The following SETD1B variants were observed in gnomAD, a reference collection of about 807,000 sequenced individuals.
SETD1B encodes histone-lysine N-methyltransferase SETD1B.
A neutral mutation model predicts 148.0 loss-of-function variants in SETD1B; 7 were observed. The observed-to-expected ratio is 0.05, with a 90% CI of 0.03 to 0.09. The LOEUF (loss-of-function observed/expected upper bound fraction) is 0.09, where lower values mean the gene tolerates loss of function less well. Among genes scored for constraint, SETD1B ranks in the 10% least tolerant of loss-of-function variants. The pLI is 1.00. For synonymous variants in SETD1B, 1,361 were observed against 1,186.5 expected (o/e 1.15, Z -3.02); for missense variants, 2,155 against 2,729.9 (o/e 0.79, Z 4.69).
rs1186635625 is a variant in SETD1B, at chr12:121,822,873, T to C, written c.4294T>C (p.Phe1432Leu). The C allele has an allele frequency of 8.7e-6, 13 of 1,489,342 alleles. No individual in the cohort carries two copies. The highest frequency in any genetic ancestry group is 1.2e-5 in the Non-Finnish European group (13 of 1,113,976). 92.3% of individuals were successfully genotyped at this position (1,489,342 alleles called of 1,614,324 possible). Residue 1432 changes from phenylalanine to leucine, a missense_variant, in exon 12 of 17, where the codon TTC becomes CTC. Physicochemically the swap from Phe to Leu is conservative, Grantham distance 22. Coordinates refer to ENST00000604567, the MANE Select transcript of SETD1B (RefSeq NM_001353345.2). ...LPRTPGRDFS[F>L]TPTFSEPSGP... ...TCGGACACCTGGCCGGGACTTCAGC[T>C]TCACACCCACCTTCTCCGAGCCCAG... is the stretch of plus-strand genomic sequence containing the variant.
intron 11 of SETD1B, among the ~76,000 whole-genome samples, chr12:121,821,221 T>C (rs1486276422): frequency 1.3e-5 from 2 of 152,052 alleles, no homozygotes; most frequent in Non-Finnish European, 2.9e-5. Flanking sequence ...AATGCAACAG[T>C]GGACCAAACA....
In SETD1B at chr12:121,823,347, C is replaced by T; in HGVS notation, c.4768C>T (p.Pro1590Ser). The change falls in exon 12 of 17, where the codon CCA becomes TCA. Residue 1590 changes from proline (P) to serine (S), a missense_variant. Coordinates refer to ENST00000604567, the MANE Select transcript of SETD1B (RefSeq NM_001353345.2). ...CCCTCCACCACCCCTTCCCCCCCAG[C>T]CACCCCCACCCCCACCTCCCCCACC... ...PAPPPPLPPQ[P>S]PPPPPPPPVE... The T allele has an allele frequency of 7.9e-7, 1 of 1,266,954 alleles. No individual in the cohort carries two copies. Among genetic ancestry groups the T allele is most frequent in the Non-Finnish European group, 1.1e-6 (1 of 909,920 alleles). 78.5% of individuals were successfully genotyped at this position (1,266,954 alleles called of 1,614,324 possible).
chr12:121,805,081 A>G lies in SETD1B; in HGVS notation c.175-37A>G, dbSNP rs1875660618. 1.3e-5 allele frequency: 20 copies of G among 1,528,120 alleles called. No individual in the cohort carries two copies. Among genetic ancestry groups the G allele is most frequent in the Non-Finnish European group, 1.7e-5 (19 of 1,125,734 alleles). 94.7% of individuals were successfully genotyped at this position (1,528,120 alleles called of 1,614,324 possible). On this transcript the variant is annotated intron_variant, in intron 2 of 16. Coordinates refer to ENST00000604567, the MANE Select transcript of SETD1B (RefSeq NM_001353345.2). The surrounding 1 kb of genome is among the most constrained non-coding windows in gnomAD (Gnocchi z 4.2). The stretch of plus-strand genomic sequence containing the variant: ...GGGTCTGCCCATGGGGAGGGGGACC[A>G]GTTCTCTCATCCCGGCCCCCCAATT...
the SETD1B span, chr12:121,797,324 C>G: frequency 2.4e-6 from 1 of 411,226 alleles, no homozygotes. Context: ...GCGTGGCCCT[C>G]TCTCTGCAAG....
intron 16 of SETD1B, among the ~76,000 whole-genome samples, chr12:121,828,457 C>T (rs987476725): frequency 6.6e-6 from 1 of 151,758 alleles, no homozygotes. Flanking sequence ...AGGTGCACTG[C>T]GTGCATCTGT....
chr12:121,805,093 C>T lies in SETD1B; in HGVS notation c.175-25C>T, dbSNP rs1418888917. ...GGGGAGGGGGACCAGTTCTCTCATC[C>T]CGGCCCCCCAATTTCTCCCCACAGA... On this transcript the variant is annotated intron_variant, in intron 2 of 16. Coordinates refer to ENST00000604567, the MANE Select transcript of SETD1B (RefSeq NM_001353345.2). This position sits in a 1 kb window ranked among gnomAD's most constrained non-coding sequence, Gnocchi z 4.2. 3 of 1,547,276 alleles carry T rather than the reference C, an allele frequency of 1.9e-6. No homozygotes were observed. In the East Asian group the frequency reaches 7.3e-5, roughly 38 times the overall value.
rs547311982 is a variant in SETD1B, at chr12:121,819,780, C to G, written c.3795C>G (p.Ser1265=). 2 of 1,551,610 alleles carry G rather than the reference C, an allele frequency of 1.3e-6. No individual in the cohort carries two copies. Among genetic ancestry groups the G allele is most frequent in the Admixed American group, 3.9e-5 (2 of 51,000 alleles). The change falls in exon 11 of 17, where the codon TCC becomes TCG. Residue 1265 remains serine, a synonymous_variant. Coordinates refer to ENST00000604567, the MANE Select transcript of SETD1B (RefSeq NM_001353345.2). ...LPVGVEEPAD[S]REPPEEPGLS... is the part of the protein sequence containing the mutation. Reference sequence around the variant, plus strand: ...TGGGTGTTGAAGAGCCAGCGGACTCCAGGGAGCCGCCTGAGGAACCAGGCC... The same window carrying G: ...TGGGTGTTGAAGAGCCAGCGGACTCGAGGGAGCCGCCTGAGGAACCAGGCC...
intron 16 of SETD1B, 108 bp downstream of exon 16, chr12:121,828,178 C>G: frequency 7.0e-7 from 1 of 1,434,734 alleles, no homozygotes. Context: ...CGGCCTCCTT[C>G]CCAAGCTCAG....
chr12:121,819,869 C>T lies in SETD1B; in HGVS notation c.3884C>T (p.Pro1295Leu). The change falls in exon 11 of 17, where the codon CCC (proline) becomes CTC (leucine). Residue 1295 changes from proline to leucine, a missense_variant. Transcript: ENST00000604567. The stretch of plus-strand genomic sequence containing the variant: ...CCTGCCAAGGAGGTGGAGGCTCGAC[C>T]CCCATTGTCCCCTGAGCGAGCTCCA... ...EPPAKEVEAR[P>L]PLSPERAPEH... 6.4e-7 allele frequency: 1 copy of T among 1,551,022 alleles called. No homozygotes were observed. Among genetic ancestry groups the T allele is most frequent in the Non-Finnish European group, 8.7e-7 (1 of 1,146,802 alleles).
In SETD1B at chr12:121,817,701, T is replaced by G; in HGVS notation, c.3309T>G (p.Asp1103Glu). 1 of 1,545,216 alleles carries G rather than the reference T, an allele frequency of 6.5e-7. No individual in the cohort carries two copies. Among genetic ancestry groups the G allele is most frequent in the Non-Finnish European group, 8.8e-7 (1 of 1,142,336 alleles). ...LSSSSTSSTSDKDDDDDDSDD... is the reference protein window; with the variant it reads ...LSSSSTSSTSEKDDDDDDSDD... ...CCTCCTCAACCTCATCCACATCAGA[T>G]AAGGTGCCTAGCAGGCCAGGAAGCC... Residue 1103 changes from aspartate (D) to glutamate (E), a missense_variant, in exon 9 of 17, where the codon GAT becomes GAG. Physicochemically the swap from Asp to Glu is conservative, Grantham distance 45. Transcript: ENST00000604567. This position sits in a 1 kb window ranked among gnomAD's most constrained non-coding sequence, Gnocchi z 8.1.
rs1377117146 is a variant in SETD1B at position 121,822,754 on chromosome 12, G to A, written c.4175G>A (p.Gly1392Asp). ...GGCGGGGAGCCCCCGCTATCAGGGG[G>A]CAGCAGTGGCCTGTCCCTGAGCTCT... ...TPGGEPPLSGGSSGLSLSSPQ... is the reference protein window; with the variant it reads ...TPGGEPPLSGDSSGLSLSSPQ... Residue 1392 changes from glycine to aspartate, a missense_variant, in exon 12 of 17, where the codon GGC (glycine) becomes GAC (aspartate). Physicochemically the swap from Gly to Asp is moderately conservative, Grantham distance 94 (BLOSUM62 -1). Around this residue, in one of 11 missense-constraint regions of SETD1B, gnomAD observed 862 missense variants for 873.8 expected, o/e 0.99. Transcript: ENST00000604567. 4 of 1,516,528 alleles carry A rather than the reference G, an allele frequency of 2.6e-6. No homozygotes were observed. The highest frequency in any genetic ancestry group is 1.3e-5 in the South Asian group (1 of 79,978). 93.9% of individuals were successfully genotyped at this position (1,516,528 alleles called of 1,614,324 possible).
upstream of SETD1B, chr12:121,802,013 G>A (rs1311850835): frequency 6.6e-6 from 1 of 152,020 alleles, no homozygotes; most frequent in Non-Finnish European, 1.5e-5. Flanking sequence ...TCTACACAAA[G>A]AAAAGGTCTT....
chr12:121,792,720 C>T, the SETD1B span, among the ~76,000 whole-genome samples: 1 of 152,224 alleles, frequency 6.6e-6, no homozygotes, highest in Admixed American at 6.5e-5. Context: ...TGATCTGCAG[C>T]CGGGAGCATC....
chr12:121,797,157 C>T, the SETD1B span: 1 of 317,928 alleles, frequency 3.1e-6, no homozygotes, highest in South Asian at 2.4e-5. Flanking sequence ...GGTGCCACCT[C>T]ACTGCACAGC....
intron 13 of SETD1B, among the ~76,000 whole-genome samples, chr12:121,826,477 C>G (rs1252302717): frequency 1.3e-5 from 2 of 152,142 alleles, no homozygotes; most frequent in East Asian, 3.8e-4. Flanking sequence ...CTCCCTAGGA[C>G]AGCAGCAGTG....
chr12:121,817,162 C>T lies in SETD1B; in HGVS notation c.2845C>T (p.Leu949=), dbSNP rs1876330569. ...GEGLGYEGLG[L]GIGLRGAIRL... is the part of the protein sequence containing the mutation. Reference sequence around the variant, plus strand: ...GGGCCTGGGCTACGAGGGCCTGGGCCTGGGCATTGGGCTGCGTGGGGCCAT... The same window carrying T: ...GGGCCTGGGCTACGAGGGCCTGGGCTTGGGCATTGGGCTGCGTGGGGCCAT... The change falls in exon 8 of 17, where the codon CTG becomes TTG. Residue 949 remains leucine, a synonymous_variant. Transcript: ENST00000604567. This position sits in a 1 kb window ranked among gnomAD's most constrained non-coding sequence, Gnocchi z 8.1. 1.3e-6 allele frequency: 2 copies of T among 1,549,516 alleles called. No individual in the cohort carries two copies. The highest frequency in any genetic ancestry group is 1.2e-5 in the South Asian group (1 of 84,060).
chr12:121,807,906 TG>T lies in SETD1B; in HGVS notation c.545-293del, dbSNP rs1169188508. Among the ~76,000 whole-genome samples, 81 of 44,300 alleles carry T rather than the reference TG, an allele frequency of 1.8e-3. No individual in the cohort carries two copies. The East Asian group carries it at 0.032, about 17-fold the overall frequency. 29.1% of individuals were successfully genotyped at this position (44,300 alleles called of 152,430 possible). Reference sequence around the variant, plus strand: ...TGCCATGGCCCAGGTAATGCAGGGGTGGGGGGGGGCTGGGCGTCGCGGGTGG... The same window carrying T: ...TGCCATGGCCCAGGTAATGCAGGGGTGGGGGGGGCTGGGCGTCGCGGGTGG... On this transcript the variant is annotated intron_variant, in intron 4 of 16. Transcript: ENST00000604567.
At chr12:121,793,710 GAACCA>G in the SETD1B span, 1 of 1,314,696 alleles carries the variant, frequency 7.6e-7, no homozygotes, top group Non-Finnish European at 9.9e-7. Flanking sequence ...GGCGGGGCCG[GAACCA>G]GCCCCGCCCA....
chr12:121,825,046 G>C (rs986036431), intron 12 of SETD1B, among the ~76,000 whole-genome samples, 154 bp from the exon 13 acceptor site: 2 of 151,980 alleles, frequency 1.3e-5, no homozygotes, highest in Non-Finnish European at 2.9e-5. Context: ...AGCAGGGTTG[G>C]TCAGCGGGCA....
Sources: gnomAD v4.1 joint callset for allele counts (sites outside exome capture counted in the v4.1 genomes callset) on GRCh38, gnomAD v4.1.1 for gene constraint, gnomAD v4.1.1 regional missense constraint, Gnocchi (gnomAD v3.1) non-coding constraint, MANE v1.5 for transcripts, NCBI Gene and HGNC (gene_info 2026-07-23, HGNC 2026-07-21) for gene names.